Variants in DCDC1 observed in about 807,000 individuals in gnomAD.
DCDC1 encodes doublecortin domain containing 1, also known as doublecortin domain-containing protein 1.
DCDC1 carries 200 observed loss-of-function variants against 178.3 expected under a neutral mutation model. The ratio of observed to expected loss-of-function variants is 1.12; its 90% CI spans 1.00 to 1.26. The LOEUF is 1.26. Among genes scored for constraint, DCDC1 ranks in the 50% most tolerant of loss-of-function variants. The pLI is 0.00. For synonymous variants in DCDC1, 690 were observed against 604.8 expected (o/e 1.14, Z -2.07); for missense variants, 1,983 against 1,749.2 (o/e 1.13, Z -2.38).
At chr11:31,322,197 C>A (rs933584972) in intron 3 of DCDC1, among the ~76,000 whole-genome samples, 1 of 151,894 alleles carries the variant, frequency 6.6e-6, no homozygotes, top group Non-Finnish European at 1.5e-5. Context: ...AATCAGTGGT[C>A]GATATGCAGG....
chr11:30,920,905 A>T lies in DCDC1; in HGVS notation c.3164T>A (p.Val1055Glu). Residue 1055 changes from valine (V) to glutamate (E), a missense_variant, in exon 25 of 39, where the codon GTA (valine) becomes GAA (glutamate). Val to Glu is a moderately radical substitution (Grantham distance 121). Coordinates refer to ENST00000684477, the MANE Select transcript of DCDC1 (RefSeq NM_001387274.1). ...ATGCACAGCAAGCTTGCTTCCAGAT[A>T]CAATGTCACTTTGGACTTCTAAAAC... ...ALVLEVQSDI[V>E]SGSKLAVHKP... is the part of the protein sequence containing the mutation. The T allele has an allele frequency of 1.2e-6, 2 of 1,612,570 alleles. No individual in the cohort carries two copies. The highest frequency in any genetic ancestry group is 2.7e-5 in the African/African-American group (2 of 75,062).
chr11:31,157,372 A>ATAT (rs1555090400), intron 9 of DCDC1, among the ~76,000 whole-genome samples: 19 of 96,864 alleles, frequency 2.0e-4, no homozygotes, highest in African/African-American at 3.8e-4. Context: ...AAAAAAAAAA[A>ATAT]ATATATATAT....
intron 20 of DCDC1, among the ~76,000 whole-genome samples, chr11:31,030,860 G>A (rs1285383127): frequency 6.7e-6 from 1 of 148,308 alleles, no homozygotes. Context: ...CCCAGGGCAA[G>A]AAAAAAAAAA....
At chr11:31,109,585 G>A (rs1959070251) in intron 12 of DCDC1, among the ~76,000 whole-genome samples, 1 of 152,114 alleles carries the variant, frequency 6.6e-6, no homozygotes, top group South Asian at 2.1e-4. Flanking sequence ...GATACCACCA[G>A]GAGAGGTAAG....
intron 1 of DCDC1, among the ~76,000 whole-genome samples, chr11:31,362,120 G>A (rs1482876753): frequency 2.6e-5 from 4 of 151,864 alleles, no homozygotes; most frequent in Admixed American, 6.6e-5. Context: ...TGAATATTAT[G>A]TATATATATG....
At chr11:31,053,085 AG>A (rs1955361450) in intron 20 of DCDC1, among the ~76,000 whole-genome samples, 1 of 152,182 alleles carries the variant, frequency 6.6e-6, no homozygotes, top group Non-Finnish European at 1.5e-5. Context: ...ATAGACCATT[AG>A]TAAGATTAAC....
chr11:31,247,852 A>G (rs1943686078), intron 8 of DCDC1, among the ~76,000 whole-genome samples: 1 of 152,096 alleles, frequency 6.6e-6, no homozygotes, highest in South Asian at 2.1e-4. Context: ...GTCTTTGAAA[A>G]TACAAGGATT....
intron 6 of DCDC1, among the ~76,000 whole-genome samples, chr11:31,292,276 GA>G (rs1263655707): frequency 2.6e-5 from 4 of 152,060 alleles, no homozygotes; most frequent in Admixed American, 2.0e-4. Context: ...ATAGCCAAAA[GA>G]ATTGAAAACA....
intron 20 of DCDC1, among the ~76,000 whole-genome samples, chr11:31,008,326 G>A (rs1345515045): frequency 6.6e-6 from 1 of 152,112 alleles, no homozygotes. Flanking sequence ...GCAGCTTACA[G>A]TTTAGGGGCT....
At chr11:30,939,043 TC>T (rs1947465477) in intron 21 of DCDC1, among the ~76,000 whole-genome samples, 1 of 152,144 alleles carries the variant, frequency 6.6e-6, no homozygotes, top group South Asian at 2.1e-4. Flanking sequence ...AGACTGGGAC[TC>T]CACACTTGCT....
intron 9 of DCDC1, among the ~76,000 whole-genome samples, chr11:31,138,424 C>T (rs1963422659): frequency 6.6e-6 from 1 of 152,158 alleles, no homozygotes. Context: ...ATGCTATTTT[C>T]ATGCTAAACA....
intron 38 of DCDC1, among the ~76,000 whole-genome samples, chr11:30,868,926 A>G (rs1459689386): frequency 6.6e-6 from 1 of 152,200 alleles, no homozygotes; most frequent in Admixed American, 6.5e-5. Context: ...ATTTAATACG[A>G]AACATTCAGA....
intron 6 of DCDC1, among the ~76,000 whole-genome samples, chr11:31,296,664 G>A (rs534614175): frequency 2.6e-5 from 4 of 152,144 alleles, no homozygotes; most frequent in Non-Finnish European, 5.9e-5. Context: ...TTTAAAAAGA[G>A]GTTTAATTGA....
intron 8 of DCDC1, among the ~76,000 whole-genome samples, chr11:31,247,162 T>C (rs1199838197): frequency 6.6e-6 from 1 of 152,068 alleles, no homozygotes; most frequent in African/African-American, 2.4e-5. Flanking sequence ...TTATGACCTT[T>C]ATAGGACACC....
At chr11:31,338,662 C>A (rs1950389765) in intron 1 of DCDC1, among the ~76,000 whole-genome samples, 1 of 152,154 alleles carries the variant, frequency 6.6e-6, no homozygotes, top group Admixed American at 6.6e-5. Flanking sequence ...TATGTGATTT[C>A]TGGGAACTGT....
At chr11:30,935,301 G>T (rs2134343834) in intron 21 of DCDC1, among the ~76,000 whole-genome samples, 1 of 152,272 alleles carries the variant, frequency 6.6e-6, no homozygotes, top group Middle Eastern at 3.4e-3. Context: ...CCTTGTATCT[G>T]GTTCAGGGCA....
chr11:31,002,495 T>G (rs1408985205), intron 20 of DCDC1, among the ~76,000 whole-genome samples: 1 of 152,078 alleles, frequency 6.6e-6, no homozygotes, highest in Non-Finnish European at 1.5e-5. Flanking sequence ...GTCCAACTGT[T>G]GGATGGAAGA....
chr11:30,938,327 G>A (rs1947408900), intron 21 of DCDC1, among the ~76,000 whole-genome samples: 1 of 151,752 alleles, frequency 6.6e-6, no homozygotes, highest in Non-Finnish European at 1.5e-5. Flanking sequence ...GCTCCCTCCT[G>A]TCTGTCTGCA....
At chr11:30,906,853 A>ATAGC in intron 29 of DCDC1, 128 bp from the exon 30 acceptor site, 1 of 885,626 alleles carries the variant, frequency 1.1e-6, no homozygotes, top group Non-Finnish European at 1.5e-6. Flanking sequence ...ATTTTATGCT[A>ATAGC]AATTTAAATT....
Sources: allele counts gnomAD v4.1 joint callset (sites outside exome capture counted in the v4.1 genomes callset), GRCh38; gene constraint gnomAD v4.1.1; transcripts MANE v1.5; gene names NCBI Gene and HGNC (gene_info 2026-07-23, HGNC 2026-07-21).